Variants in CDK17 observed in about 807,000 individuals in gnomAD.
CDK17 encodes cyclin-dependent kinase 17.
A neutral mutation model predicts 77.6 loss-of-function variants in CDK17; 24 were observed. That is an observed-to-expected ratio of 0.31 (90% confidence interval 0.22 to 0.44). The LOEUF is 0.44. CDK17 is among the 20% of genes least tolerant of loss of function. The pLI, the probability that CDK17 is intolerant of heterozygous loss-of-function variation, is 1.00. For missense variants in CDK17, 429 were observed against 622.5 expected, an observed-to-expected ratio of 0.69 and a Z score of 3.31; for synonymous variants, 203 against 210.4, an observed-to-expected ratio of 0.96 and a Z score of 0.30.
chr12:96,329,699 T>C (rs947846965), intron 2 of CDK17, among the ~76,000 whole-genome samples: 1 of 152,202 alleles, frequency 6.6e-6, no homozygotes, highest in Non-Finnish European at 1.5e-5. Context: ...TTATCCACTG[T>C]TGTAAAAAAC....
At chr12:96,314,159 G>A (rs1052022303) in intron 3 of CDK17, among the ~76,000 whole-genome samples, 2 of 152,150 alleles carry the variant, frequency 1.3e-5, no homozygotes, top group African/African-American at 4.8e-5. Flanking sequence ...GAAGTAGGGG[G>A]AGGAAGATAA....
chr12:96,313,188 G>A, intron 4 of CDK17, 133 bp downstream of exon 4: 1 of 538,384 alleles, frequency 1.9e-6, no homozygotes, highest in Non-Finnish European at 3.1e-6. Flanking sequence ...ATGCAAAGAA[G>A]TAACTTTCTT....
rs569515535 is a variant in CDK17 at position 96,386,524 on chromosome 12, G to A, written c.-30+13462C>T. ...CTTTAAAAAATTAGCCAAGCATGGC[G>A]GCGGCACCTGTAAGTCCCAGCTACT... On this transcript the variant is annotated intron_variant, in intron 1 of 16. Coordinates refer to ENST00000261211, the MANE Select transcript of CDK17 (RefSeq NM_002595.5). Among the ~76,000 whole-genome samples the A allele has an allele frequency of 6.6e-4, 100 of 152,124 alleles. 1 individual carries two copies. The highest frequency in any genetic ancestry group is 6.8e-3 in the Middle Eastern group (2 of 294).
At chr12:96,335,090 A>G (rs1186687747) in intron 1 of CDK17, 2 of 589,558 alleles carry the variant, frequency 3.4e-6, no homozygotes, top group Non-Finnish European at 6.3e-6. Flanking sequence ...CATGTAACTA[A>G]AGAGTGGGAC....
rs138916678 is a variant in CDK17 at position 96,289,332 on chromosome 12, G to A, written c.998-45C>T. On this transcript the variant is annotated intron_variant, in intron 10 of 16. Coordinates refer to ENST00000261211, the MANE Select transcript of CDK17 (RefSeq NM_002595.5). ...CAAAGGGTTAAGAAAAAGCTTTAATGGATCTCTCAGACCCTATTCTCACCA... is the reference window on the plus strand; with the variant it reads ...CAAAGGGTTAAGAAAAAGCTTTAATAGATCTCTCAGACCCTATTCTCACCA... 1.1e-3 allele frequency: 1,788 copies of A among 1,609,174 alleles called. 21 individuals are homozygous for A. In the African/African-American group the frequency reaches 0.022, roughly 19 times the overall value.
At chr12:96,349,401 C>T (rs532929198) in intron 1 of CDK17, among the ~76,000 whole-genome samples, 3 of 151,680 alleles carry the variant, frequency 2.0e-5, no homozygotes, top group East Asian at 3.9e-4. Flanking sequence ...TGCAATGAGC[C>T]GAGATTGGGC....
chr12:96,391,905 C>T (rs1321738702), intron 1 of CDK17, among the ~76,000 whole-genome samples: 2 of 152,304 alleles, frequency 1.3e-5, no homozygotes, highest in East Asian at 1.9e-4. Context: ...ACCTTTTACA[C>T]TTTTTATTAT....
chr12:96,326,336 T>A (rs554607594), intron 2 of CDK17, among the ~76,000 whole-genome samples: 3 of 152,038 alleles, frequency 2.0e-5, no homozygotes, highest in Non-Finnish European at 4.4e-5. Flanking sequence ...ACACACGAAG[T>A]CAGGTAATGA....
intron 1 of CDK17, among the ~76,000 whole-genome samples, chr12:96,389,083 C>T (rs1954022284): frequency 6.6e-6 from 1 of 151,594 alleles, no homozygotes; most frequent in Admixed American, 6.6e-5. Context: ...CTGCCTCAGC[C>T]TCCTGGGTAG....
At chr12:96,330,748 C>A (rs1019886228) in intron 2 of CDK17, among the ~76,000 whole-genome samples, 1 of 152,144 alleles carries the variant, frequency 6.6e-6, no homozygotes, top group African/African-American at 2.4e-5. Context: ...ATCCATTCAT[C>A]TGTTGATGGG....
chr12:96,391,040 T>C (rs1954059305), intron 1 of CDK17, among the ~76,000 whole-genome samples: 1 of 151,032 alleles, frequency 6.6e-6, no homozygotes, highest in South Asian at 2.1e-4. Context: ...TGAGCTGAGA[T>C]TGCACCACTG....
chr12:96,395,117 G>C (rs748669807), intron 1 of CDK17, among the ~76,000 whole-genome samples: 1 of 152,104 alleles, frequency 6.6e-6, no homozygotes, highest in African/African-American at 2.4e-5. Context: ...CTTGTGATCT[G>C]CCCGGCTCAG....
intron 3 of CDK17, among the ~76,000 whole-genome samples, chr12:96,322,361 G>A (rs924927451): frequency 4.6e-5 from 7 of 152,032 alleles, no homozygotes; most frequent in Non-Finnish European, 8.8e-5. Flanking sequence ...GAACAAGTGT[G>A]GCTTCTTTTT....
intron 1 of CDK17, among the ~76,000 whole-genome samples, chr12:96,343,386 A>G (rs1953152659): frequency 6.6e-6 from 1 of 152,240 alleles, no homozygotes; most frequent in Admixed American, 6.5e-5. Context: ...GCGACTTATT[A>G]GTGCCATAGC....
chr12:96,345,689 CTACT>C (rs1565829086), intron 1 of CDK17, among the ~76,000 whole-genome samples: 1 of 152,020 alleles, frequency 6.6e-6, no homozygotes, highest in Non-Finnish European at 1.5e-5. Flanking sequence ...TATTTATATA[CTACT>C]AAGTTGGTAT....
rs557405234 is a variant in CDK17 at position 96,311,429 on chromosome 12, T to C, written c.418-252A>G. On this transcript the variant is annotated intron_variant, in intron 4 of 16. Coordinates refer to ENST00000261211, the MANE Select transcript of CDK17 (RefSeq NM_002595.5). ...ATTTTTGAGTCCTTTCACTGGTAAA[T>C]TCAACTTGAAATTTACTTTAAATTT... 1.5e-4 allele frequency among the ~76,000 whole-genome samples: 22 copies of C among 151,382 alleles called. No homozygotes were observed. In the South Asian group the frequency reaches 4.6e-3, roughly 31 times the overall value.
intron 1 of CDK17, among the ~76,000 whole-genome samples, chr12:96,398,159 C>T (rs1954202621): frequency 6.6e-6 from 1 of 151,666 alleles, no homozygotes; most frequent in African/African-American, 2.4e-5. Context: ...GCCAACCATT[C>T]AAACTGTTAG....
chr12:96,309,313 C>A (rs780036234), intron 5 of CDK17, among the ~76,000 whole-genome samples: 36 of 152,198 alleles, frequency 2.4e-4, no homozygotes, highest in Non-Finnish European at 4.4e-4. Context: ...AATTTCTGCC[C>A]ATCCTTCTAG....
intron 1 of CDK17, among the ~76,000 whole-genome samples, chr12:96,345,530 G>C (rs987220668): frequency 2.0e-5 from 3 of 152,162 alleles, no homozygotes; most frequent in Non-Finnish European, 2.9e-5. Flanking sequence ...CGACTGGTGT[G>C]AGATGTTATC....
Sources: allele counts gnomAD v4.1 joint callset (sites outside exome capture counted in the v4.1 genomes callset), GRCh38; gene constraint gnomAD v4.1.1; transcripts MANE v1.5; gene names NCBI Gene and HGNC (gene_info 2026-07-23, HGNC 2026-07-21).